DYNC1I1: variants seen among roughly 807,000 people sequenced by gnomAD.
DYNC1I1 encodes the protein dynein cytoplasmic 1 intermediate chain 1.
Under a neutral mutation model 86.6 loss-of-function variants are expected in DYNC1I1, and 43 were observed. That is an observed-to-expected ratio of 0.50 (90% confidence interval 0.39 to 0.64). The LOEUF (loss-of-function observed/expected upper bound fraction) is 0.64, where lower values mean the gene tolerates loss of function less well. Ranked by LOEUF, DYNC1I1 falls within the 30% of genes least tolerant of loss-of-function variation. The pLI is 0.00. For synonymous variants in DYNC1I1, 262 were observed against 283.7 expected, an observed-to-expected ratio of 0.92 and a Z score of 0.77; for missense variants, 604 against 788.8, an observed-to-expected ratio of 0.77 and a Z score of 2.81.
At chr7:96,005,911 A>T (rs932217461) in intron 10 of DYNC1I1, among the ~76,000 whole-genome samples, 1 of 152,140 alleles carries the variant, frequency 6.6e-6, no homozygotes, top group Admixed American at 6.5e-5. Context: ...CATTTTGAGC[A>T]TTTTTCCAAA....
At chr7:95,993,277 C>T (rs191595479) in intron 9 of DYNC1I1, among the ~76,000 whole-genome samples, 69 of 152,254 alleles carry the variant, frequency 4.5e-4, no homozygotes, top group Non-Finnish European at 2.9e-5. Flanking sequence ...ATGCCAATGA[C>T]ATTTCACTGG....
At chr7:95,804,956 A>G in intron 2 of DYNC1I1, 119 bp downstream of exon 2, 1 of 1,414,214 alleles carries the variant, frequency 7.1e-7, no homozygotes, top group Non-Finnish European at 9.2e-7. Flanking sequence ...TCTGAATAAA[A>G]TGATTATCTT....
intron 14 of DYNC1I1, among the ~76,000 whole-genome samples, chr7:96,049,017 T>C (rs1789304696): frequency 6.6e-6 from 1 of 152,076 alleles, no homozygotes; most frequent in Non-Finnish European, 1.5e-5. Context: ...CCCAGCACTT[T>C]GAGAGGCCGA....
chr7:96,001,851 G>A (rs1794019353), intron 10 of DYNC1I1, among the ~76,000 whole-genome samples: 1 of 152,034 alleles, frequency 6.6e-6, no homozygotes, highest in South Asian at 2.1e-4. Context: ...TATGAATTTG[G>A]TCGTGGTGGG....
intron 14 of DYNC1I1, among the ~76,000 whole-genome samples, chr7:96,041,704 A>G (rs1789057768): frequency 6.6e-6 from 1 of 152,176 alleles, no homozygotes; most frequent in Non-Finnish European, 1.5e-5. Context: ...ACATTTTTAA[A>G]TGAGTAAAGC....
chr7:96,103,733 C>T (rs1172777999), intron 16 of DYNC1I1, among the ~76,000 whole-genome samples: 1 of 152,158 alleles, frequency 6.6e-6, no homozygotes. Context: ...CTGCCTCAGC[C>T]TCCTGAGTAG....
intron 6 of DYNC1I1, among the ~76,000 whole-genome samples, chr7:95,934,317 A>G (rs558117241): frequency 6.6e-6 from 1 of 152,316 alleles, no homozygotes; most frequent in East Asian, 1.9e-4. Context: ...TAAATTACAA[A>G]CAAAAGCTTT....
At chr7:96,076,320 C>T in intron 15 of DYNC1I1, 123 bp downstream of exon 15, 1 of 1,385,510 alleles carries the variant, frequency 7.2e-7, no homozygotes, top group Non-Finnish European at 9.6e-7. Flanking sequence ...TGCAGCAGGG[C>T]TGCCGGCCCC....
At chr7:95,944,073 CAG>C (rs1792321930) in intron 6 of DYNC1I1, among the ~76,000 whole-genome samples, 1 of 152,194 alleles carries the variant, frequency 6.6e-6, no homozygotes. Flanking sequence ...AAAGTACCAT[CAG>C]AGTGAATAGG....
intron 12 of DYNC1I1, among the ~76,000 whole-genome samples, chr7:96,034,625 A>G (rs1429546502): frequency 2.6e-5 from 4 of 152,214 alleles, no homozygotes; most frequent in Non-Finnish European, 5.9e-5. Context: ...TGATCCAGTT[A>G]TCTGTATGAC....
chr7:96,091,955 CAT>C (rs1790861075), intron 16 of DYNC1I1, among the ~76,000 whole-genome samples: 1 of 152,134 alleles, frequency 6.6e-6, no homozygotes, highest in Non-Finnish European at 1.5e-5. Context: ...TGCATGTCTA[CAT>C]ATGTGTGTGG....
intron 7 of DYNC1I1, among the ~76,000 whole-genome samples, chr7:95,979,912 G>A (rs1793409436): frequency 6.6e-6 from 1 of 152,156 alleles, no homozygotes; most frequent in Non-Finnish European, 1.5e-5. Context: ...GATTACAGGT[G>A]TAGTGAGGTA....
intron 6 of DYNC1I1, among the ~76,000 whole-genome samples, chr7:95,964,827 A>T (rs762548743): frequency 5.9e-5 from 9 of 152,176 alleles, no homozygotes; most frequent in Admixed American, 1.3e-4. Flanking sequence ...TTGAATAAGG[A>T]CCCTAAAGAC....
intron 6 of DYNC1I1, among the ~76,000 whole-genome samples, chr7:95,909,261 C>A (rs898149883): frequency 1.0e-3 from 14 of 13,902 alleles, no homozygotes; most frequent in African/African-American, 4.1e-3. Flanking sequence ...GGGGGCGGGG[C>A]GGGAAGGGAA....
chr7:95,937,773 A>G (rs761099510), intron 6 of DYNC1I1, among the ~76,000 whole-genome samples: 31 of 152,088 alleles, frequency 2.0e-4, no homozygotes, highest in Non-Finnish European at 1.6e-4. Flanking sequence ...ACCTTTTCCT[A>G]TTACAATGAC....
intron 6 of DYNC1I1, among the ~76,000 whole-genome samples, chr7:95,887,417 A>G (rs1790623007): frequency 6.6e-6 from 1 of 152,032 alleles, no homozygotes; most frequent in African/African-American, 2.4e-5. Flanking sequence ...CTGGCCAACT[A>G]TACCTTTTAA....
chr7:96,057,318 T>A (rs550323228), intron 14 of DYNC1I1, among the ~76,000 whole-genome samples: 131 of 152,244 alleles, frequency 8.6e-4, no homozygotes, highest in African/African-American at 2.9e-3. Flanking sequence ...TGAGTCCTAA[T>A]GAAGATTCCA....
chr7:96,009,578 C>G (rs865863955), intron 10 of DYNC1I1, among the ~76,000 whole-genome samples: 1 of 152,152 alleles, frequency 6.6e-6, no homozygotes, highest in Non-Finnish European at 1.5e-5. Flanking sequence ...GCTGGATACT[C>G]CACTTGTTCA....
chr7:95,780,196 T>C (rs942815227), intron 1 of DYNC1I1, among the ~76,000 whole-genome samples: 1 of 152,154 alleles, frequency 6.6e-6, no homozygotes, highest in African/African-American at 2.4e-5. Context: ...AAATGAAATA[T>C]TCATTCATTC....
Sources: gnomAD v4.1 joint callset for allele counts (sites outside exome capture counted in the v4.1 genomes callset) on GRCh38, gnomAD v4.1.1 for gene constraint, MANE v1.5 for transcripts, NCBI Gene and HGNC (gene_info 2026-07-23, HGNC 2026-07-21) for gene names.